Variants in SORCS3 observed in about 807,000 individuals in gnomAD.
SORCS3 encodes sortilin related VPS10 domain containing receptor 3, also known as VPS10 domain-containing receptor SorCS3.
Under a neutral mutation model 146.3 loss-of-function variants are expected in SORCS3, and 57 were observed. The observed-to-expected ratio is 0.39, with a 90% confidence interval of 0.31 to 0.49. The LOEUF is 0.49. SORCS3 is among the 20% of genes least tolerant of loss of function. SORCS3 has a pLI of 0.92. For synonymous variants in SORCS3, 653 were observed against 618.5 expected, an observed-to-expected ratio of 1.06 and a Z score of -0.83; for missense variants, 1,341 against 1,575.5, an observed-to-expected ratio of 0.85 and a Z score of 2.52.
intron 14 of SORCS3, among the ~76,000 whole-genome samples, chr10:105,192,462 C>T (rs2056522063): frequency 6.6e-6 from 1 of 152,060 alleles, no homozygotes; most frequent in African/African-American, 2.4e-5. Context: ...CAGGAAGGGG[C>T]TGGCAGAGTC....
chr10:105,105,185 T>C (rs965903042), intron 6 of SORCS3, among the ~76,000 whole-genome samples: 1 of 152,242 alleles, frequency 6.6e-6, no homozygotes, highest in African/African-American at 2.4e-5. Context: ...AGCAGTCTGA[T>C]ATGAGATGAA....
chr10:104,879,785 A>G (rs911853657), intron 2 of SORCS3, among the ~76,000 whole-genome samples: 2 of 152,244 alleles, frequency 1.3e-5, no homozygotes, highest in African/African-American at 4.8e-5. Context: ...CACGGCTTGC[A>G]TAACAGAGCA....
chr10:104,952,160 G>T (rs1358186730), intron 3 of SORCS3, among the ~76,000 whole-genome samples: 4 of 142,738 alleles, frequency 2.8e-5, no homozygotes, highest in South Asian at 2.3e-4. Flanking sequence ...ACATGCTCAG[G>T]CTCCTTCTAG....
intron 1 of SORCS3, among the ~76,000 whole-genome samples, chr10:104,692,108 C>T (rs1009314695): frequency 6.6e-6 from 1 of 151,976 alleles, no homozygotes; most frequent in African/African-American, 2.4e-5. Flanking sequence ...CTGTCAGCAA[C>T]CTGGCAGCCT....
intron 17 of SORCS3, 60 bp downstream of exon 17, chr10:105,211,310 C>G: frequency 8.9e-7 from 1 of 1,129,182 alleles, no homozygotes. Context: ...AAACTAGGAC[C>G]AAAGGAAATG....
At chr10:104,891,406 A>T (rs370996082) in intron 2 of SORCS3, among the ~76,000 whole-genome samples, 1 of 152,172 alleles carries the variant, frequency 6.6e-6, no homozygotes, top group Non-Finnish European at 1.5e-5. Flanking sequence ...TCCGTTTTTC[A>T]GTACTGCTTC....
chr10:104,744,948 G>A (rs1479767699), intron 1 of SORCS3, among the ~76,000 whole-genome samples: 1 of 152,196 alleles, frequency 6.6e-6, no homozygotes, highest in Non-Finnish European at 1.5e-5. Context: ...ATATGCATAA[G>A]ACATGCACAT....
intron 14 of SORCS3, among the ~76,000 whole-genome samples, chr10:105,193,007 C>A (rs545049717): frequency 2.0e-5 from 3 of 152,220 alleles, no homozygotes; most frequent in South Asian, 2.1e-4. Context: ...ATACAGAGAT[C>A]CCCTTTGAAA....
Position 105,105,377 on chromosome 10 carries a change from A to T in SORCS3, c.1094-20A>T, listed in dbSNP as rs572507790. On this transcript the variant is annotated intron_variant, in intron 6 of 26. Coordinates refer to ENST00000369701, the MANE Select transcript of SORCS3 (RefSeq NM_014978.3). The stretch of plus-strand genomic sequence containing the variant: ...TGATTTTCACTTGTATCTAAGCATC[A>T]CTCTACCCTCCTGTTTCAGATGCTC... The T allele has an allele frequency of 6.5e-7, 1 of 1,540,270 alleles. No individual in the cohort carries two copies. Among genetic ancestry groups the T allele is most frequent in the Non-Finnish European group, 9.0e-7 (1 of 1,113,518 alleles).
chr10:105,100,708 C>T (rs2055778145), intron 6 of SORCS3, among the ~76,000 whole-genome samples: 1 of 152,208 alleles, frequency 6.6e-6, no homozygotes, highest in Non-Finnish European at 1.5e-5. Flanking sequence ...CCTGTGATAT[C>T]ATGGTCTTTC....
rs574748954 is a variant in SORCS3 at position 105,044,286 on chromosome 10, C to G, written c.1028+1158C>G. 4.5e-4 allele frequency among the ~76,000 whole-genome samples: 68 copies of G among 152,244 alleles called. 1 individual carries two copies. Among genetic ancestry groups the G allele is most frequent in the African/African-American group, 1.4e-3 (60 of 41,550 alleles). The stretch of plus-strand genomic sequence containing the variant: ...TCAGGAGGCTGAGATGCAGTGATCA[C>G]TTGAGCTCAGGAGTTCAAGGCTGCA... On this transcript the variant is annotated intron_variant, in intron 5 of 26. Transcript: ENST00000369701.
intron 5 of SORCS3, among the ~76,000 whole-genome samples, chr10:105,065,368 T>C (rs2055516156): frequency 6.6e-6 from 1 of 151,756 alleles, no homozygotes; most frequent in Admixed American, 6.6e-5. Flanking sequence ...GAAACTCGTG[T>C]AGCAATTTGA....
chr10:104,903,493 A>T (rs2018873627), intron 2 of SORCS3, among the ~76,000 whole-genome samples: 1 of 152,200 alleles, frequency 6.6e-6, no homozygotes, highest in African/African-American at 2.4e-5. Context: ...AGGGCTTTAC[A>T]CAGGAGCCTG....
chr10:104,795,939 C>T (rs2017549863), intron 1 of SORCS3, among the ~76,000 whole-genome samples: 1 of 152,218 alleles, frequency 6.6e-6, no homozygotes, highest in Non-Finnish European at 1.5e-5. Flanking sequence ...CCAACTTTAG[C>T]CTTCTCCATA....
chr10:105,245,652 G>A lies in SORCS3; in HGVS notation c.2979G>A (p.Glu993=). 6.2e-7 allele frequency: 1 copy of A among 1,614,096 alleles called. No homozygotes were observed. Among genetic ancestry groups the A allele is most frequent in the Non-Finnish European group, 8.5e-7 (1 of 1,179,982 alleles). The change falls in exon 21 of 27, where the codon GAG becomes GAA. Residue 993 remains glutamate, a synonymous_variant. Transcript: ENST00000369701. ...AGNALIQDTK[E]IAVHEYFQSQ... The stretch of plus-strand genomic sequence containing the variant: ...ATGCCCTCATCCAGGACACAAAAGA[G>A]ATTGCAGTTCATGGTAAGCCCTGAA...
chr10:104,865,587 A>G (rs996859028), intron 2 of SORCS3, among the ~76,000 whole-genome samples: 1 of 152,236 alleles, frequency 6.6e-6, no homozygotes, highest in Non-Finnish European at 1.5e-5. Context: ...CCAAGAGTCC[A>G]GTATTTAGTG....
chr10:104,713,335 T>A (rs2016440892), intron 1 of SORCS3, among the ~76,000 whole-genome samples: 1 of 152,218 alleles, frequency 6.6e-6, no homozygotes, highest in Non-Finnish European at 1.5e-5. Context: ...AGCAGCCTCC[T>A]GTAAACCTGA....
At chr10:104,715,744 C>T (rs2016468761) in intron 1 of SORCS3, among the ~76,000 whole-genome samples, 1 of 152,148 alleles carries the variant, frequency 6.6e-6, no homozygotes, top group Non-Finnish European at 1.5e-5. Flanking sequence ...AGGACTAGTT[C>T]TTATCACCTC....
intron 4 of SORCS3, among the ~76,000 whole-genome samples, chr10:104,985,951 C>G (rs554526728): frequency 6.6e-6 from 1 of 152,170 alleles, no homozygotes; most frequent in South Asian, 2.1e-4. Context: ...TTTAAGGGCC[C>G]TAGGATTTTT....
Sources: allele counts gnomAD v4.1 joint callset (sites outside exome capture counted in the v4.1 genomes callset), GRCh38; gene constraint gnomAD v4.1.1; transcripts MANE v1.5; gene names NCBI Gene and HGNC (gene_info 2026-07-23, HGNC 2026-07-21).